NALCN: variants seen among roughly 807,000 people sequenced by gnomAD.
The protein encoded by NALCN is sodium leak channel, non-selective, also known as sodium leak channel NALCN.
NALCN carries 111 observed loss-of-function variants against 225.3 expected under a neutral mutation model. That is an observed-to-expected ratio of 0.49 (90% CI 0.42 to 0.58). The LOEUF is 0.58. NALCN is among the 20% of genes least tolerant of loss of function. The probability of loss-of-function intolerance (pLI) is 0.00; values close to 1 mark genes in which losing one functional copy is unlikely to be tolerated. For synonymous variants in NALCN, 764 were observed against 769.0 expected, an observed-to-expected ratio of 0.99 and a Z score of 0.11; for missense variants, 1,378 against 2,202.4, an observed-to-expected ratio of 0.63 and a Z score of 7.49.
intron 13 of NALCN, among the ~76,000 whole-genome samples, chr13:101,213,737 C>T (rs568132031): frequency 2.0e-4 from 31 of 152,276 alleles, no homozygotes; most frequent in African/African-American, 7.5e-4. Context: ...ATCAAAACCA[C>T]AATGAGATGC....
rs2041770304 is a variant in NALCN at position 101,241,804 on chromosome 13, T to G, written c.1267-3882A>C. Among the ~76,000 whole-genome samples, 2 of 109,274 alleles carry G rather than the reference T, an allele frequency of 1.8e-5. 1 individual carries two copies. Among genetic ancestry groups the G allele is most frequent in the Non-Finnish European group, 4.2e-5 (2 of 48,068 alleles). 71.7% of individuals were successfully genotyped at this position (109,274 alleles called of 152,430 possible). On this transcript the variant is annotated intron_variant, in intron 11 of 43. Transcript: ENST00000251127. ...CAGAATGATGATCCCATCCTTTCCC[T>G]CTGAGGGATGGGATTTTTCCTTCCT...
chr13:101,156,567 C>T (rs1027867089), intron 15 of NALCN, among the ~76,000 whole-genome samples: 2 of 152,036 alleles, frequency 1.3e-5, no homozygotes, highest in African/African-American at 4.8e-5. Flanking sequence ...ACCTACCTAT[C>T]CTCTCTCTTA....
chr13:101,089,734 C>CA lies in NALCN; in HGVS notation c.3417dup (p.Val1140CysfsTer19). 6.2e-7 allele frequency: 1 copy of CA among 1,613,992 alleles called. No individual in the cohort carries two copies. Among genetic ancestry groups the CA allele is most frequent in the Non-Finnish European group, 8.5e-7 (1 of 1,179,910 alleles). On this transcript the variant is annotated frameshift_variant, in exon 30 of 44. Coordinates refer to ENST00000251127, the MANE Select transcript of NALCN (RefSeq NM_052867.4). LOFTEE classifies it high-confidence loss of function. This position sits in a 1 kb window ranked among gnomAD's most constrained non-coding sequence, Gnocchi z 4.7. The stretch of plus-strand genomic sequence containing the variant: ...AGTCCAATCATGCAACCCAGGAATA[C>CA]AAAAACATGAATATAGATTCCATGG...
At chr13:101,252,688 T>C (rs1213299971) in intron 11 of NALCN, among the ~76,000 whole-genome samples, 2 of 152,174 alleles carry the variant, frequency 1.3e-5, no homozygotes, top group Admixed American at 1.3e-4. Context: ...TTGGAAAACA[T>C]GACTGTCCTC....
intron 13 of NALCN, among the ~76,000 whole-genome samples, chr13:101,216,352 G>A (rs1413839570): frequency 6.6e-6 from 1 of 151,992 alleles, no homozygotes; most frequent in Non-Finnish European, 1.5e-5. Context: ...TGCATTAAAA[G>A]TATAAAGAAA....
chr13:101,110,755 G>T, intron 19 of NALCN, 67 bp from the exon 20 acceptor site: 1 of 1,511,004 alleles, frequency 6.6e-7, no homozygotes, highest in Non-Finnish European at 9.2e-7. Flanking sequence ...CAGTGACCAT[G>T]ATAAAATCAA....
chr13:101,126,577 C>T (rs1566308079), intron 17 of NALCN, among the ~76,000 whole-genome samples: 3 of 151,908 alleles, frequency 2.0e-5, no homozygotes, highest in East Asian at 3.9e-4. Flanking sequence ...ACCGCAACTT[C>T]CACCTCCTGG....
At chr13:101,111,739 T>C (rs1380868746) in intron 18 of NALCN, among the ~76,000 whole-genome samples, 1 of 152,218 alleles carries the variant, frequency 6.6e-6, no homozygotes, top group East Asian at 1.9e-4. Flanking sequence ...GTACAAGCTC[T>C]CTTCTCTTGT....
chr13:101,408,762 C>G lies in NALCN; in HGVS notation c.-40+7551G>C, dbSNP rs186279686. On this transcript the variant is annotated intron_variant, in intron 1 of 43. Transcript: ENST00000251127. ...TCATTCATCTGTGTCTTGGCCCTCA[C>G]TAAATAATGTAGCTCTGCAAAAAAC... 2.0e-3 allele frequency among the ~76,000 whole-genome samples: 297 copies of G among 152,236 alleles called. 4 individuals are homozygous for G. The highest frequency in any genetic ancestry group is 0.011 in the East Asian group (58 of 5,172).
At chr13:101,336,819 T>C (rs1317790331) in intron 7 of NALCN, among the ~76,000 whole-genome samples, 1 of 152,136 alleles carries the variant, frequency 6.6e-6, no homozygotes, top group Non-Finnish European at 1.5e-5. Context: ...AGAAAGTAAA[T>C]TCAAATACAC....
chr13:101,238,056 A>G (rs553988870), intron 11 of NALCN, 134 bp from the exon 12 acceptor site: 2 of 660,214 alleles, frequency 3.0e-6, no homozygotes, highest in East Asian at 3.1e-5. Flanking sequence ...CAAGAATGAC[A>G]TTTTACTTTA....
intron 42 of NALCN, 127 bp downstream of exon 42, chr13:101,059,691 A>G (rs1316907995): frequency 1.2e-6 from 1 of 816,980 alleles, no homozygotes; most frequent in Admixed American, 3.1e-5. Context: ...TTTTTTAATG[A>G]AAATATTCCT....
chr13:101,157,788 G>A (rs1289992136), intron 15 of NALCN, among the ~76,000 whole-genome samples: 3 of 143,562 alleles, frequency 2.1e-5, no homozygotes, highest in Non-Finnish European at 4.5e-5. Context: ...GTCTTGCTCT[G>A]TTGCCCAGAG....
chr13:101,233,393 A>T (rs1036913739), intron 12 of NALCN, among the ~76,000 whole-genome samples: 4 of 145,498 alleles, frequency 2.7e-5, no homozygotes, highest in Non-Finnish European at 6.0e-5. Context: ...CAGGCTGGAG[A>T]GCAGTGGCGC....
intron 30 of NALCN, among the ~76,000 whole-genome samples, chr13:101,084,406 T>C (rs777158589): frequency 9.9e-5 from 15 of 152,178 alleles, no homozygotes; most frequent in Non-Finnish European, 1.6e-4. Flanking sequence ...TTATATTTTA[T>C]CATAAAAGCT....
At chr13:101,303,597 G>A (rs1370143679) in intron 7 of NALCN, among the ~76,000 whole-genome samples, 1 of 152,160 alleles carries the variant, frequency 6.6e-6, no homozygotes. Flanking sequence ...AGTGGCGAAA[G>A]AGGAAGGAAA....
At chr13:101,372,921 A>G (rs1194730169) in intron 6 of NALCN, 1 of 184,522 alleles carries the variant, frequency 5.4e-6, no homozygotes, top group Non-Finnish European at 1.1e-5. Flanking sequence ...AGAATAATAC[A>G]ATTGAGAAGA....
chr13:101,058,025 G>T lies in NALCN; in HGVS notation c.4937C>A (p.Thr1646Lys), dbSNP rs771714484. 7 of 1,613,354 alleles carry T rather than the reference G, an allele frequency of 4.3e-6. No homozygotes were observed. The highest frequency in any genetic ancestry group is 1.1e-5 in the South Asian group (1 of 91,082). ...CCGACTTCCTCCTCGATCCGACAGC[G>T]TGGGGCTCAGGAGCTGCTGCTGGCT... ...TSSQQQLLSP[T>K]LSDRGGSRQD... is the part of the protein sequence containing the mutation. Residue 1646 changes from threonine to lysine, a missense_variant, in exon 43 of 44, where the codon ACG becomes AAG. Coordinates refer to ENST00000251127, the MANE Select transcript of NALCN (RefSeq NM_052867.4).
In NALCN at chr13:101,393,481, T is replaced by A. The variant is rs74868358; in HGVS notation, c.291+1702A>T. Among the ~76,000 whole-genome samples the A allele has an allele frequency of 3.9e-5, 6 of 152,254 alleles. No homozygotes were observed. The East Asian group carries it at 9.7e-4, about 25-fold the overall frequency. ...AAGACAAAAGACGCATGTCTTCCAA[T>A]GGATCAATGACATAGGAAAATTTTT... On this transcript the variant is annotated intron_variant, in intron 3 of 43. Coordinates refer to ENST00000251127, the MANE Select transcript of NALCN (RefSeq NM_052867.4).
Sources: allele counts gnomAD v4.1 joint callset (sites outside exome capture counted in the v4.1 genomes callset), GRCh38; gene constraint gnomAD v4.1.1; non-coding constraint Gnocchi (gnomAD v3.1); transcripts MANE v1.5; gene names NCBI Gene and HGNC (gene_info 2026-07-23, HGNC 2026-07-21).